Variants in PCDH7 observed in about 807,000 individuals in gnomAD.
The protein encoded by PCDH7 is protocadherin-7.
PCDH7 carries 17 observed loss-of-function variants against 58.9 expected under a neutral mutation model. That is an observed-to-expected ratio of 0.29 (90% CI 0.20 to 0.43). The LOEUF (loss-of-function observed/expected upper bound fraction) is 0.43. Ranked by LOEUF, PCDH7 falls within the 20% of genes least tolerant of loss-of-function variation. The pLI, the probability that PCDH7 is intolerant of heterozygous loss-of-function variation, is 1.00. For missense variants in PCDH7, 1,274 were observed against 1,441.0 expected (o/e 0.88, Z 1.88); for synonymous variants, 664 against 616.4 (o/e 1.08, Z -1.14).
intron 2 of PCDH7, among the ~76,000 whole-genome samples, chr4:30,942,901 T>G (rs1317028065): frequency 6.6e-6 from 1 of 151,826 alleles, no homozygotes; most frequent in Non-Finnish European, 1.5e-5. Flanking sequence ...GTAAGTGTTT[T>G]TTTTTTTTTT....
chr4:30,927,728 G>A (rs1017158618), intron 2 of PCDH7, among the ~76,000 whole-genome samples: 4 of 152,000 alleles, frequency 2.6e-5, no homozygotes, highest in South Asian at 2.1e-4. Context: ...GTGGAAGGCC[G>A]CAGGGTCCTC....
chr4:30,821,027 T>A (rs1156779613), intron 1 of PCDH7, among the ~76,000 whole-genome samples: 1 of 152,196 alleles, frequency 6.6e-6, no homozygotes, highest in Non-Finnish European at 1.5e-5. Flanking sequence ...ACAACACCTC[T>A]TGAGCACTTA....
At chr4:30,975,513 G>A (rs576371685) in intron 3 of PCDH7, among the ~76,000 whole-genome samples, 2 of 152,210 alleles carry the variant, frequency 1.3e-5, no homozygotes, top group South Asian at 2.1e-4. Flanking sequence ...ATTTTCAGCA[G>A]ACACATTCCA....
chr4:30,848,050 G>A (rs1732212154), intron 1 of PCDH7, among the ~76,000 whole-genome samples: 1 of 152,072 alleles, frequency 6.6e-6, no homozygotes, highest in Admixed American at 6.6e-5. Context: ...TGTATATGAA[G>A]ATGGATTGGA....
chr4:31,109,782 T>C (rs577659403), intron 3 of PCDH7, among the ~76,000 whole-genome samples: 2 of 152,344 alleles, frequency 1.3e-5, no homozygotes, highest in South Asian at 4.1e-4. Flanking sequence ...TACTCTGCCA[T>C]GTCCCACAGA....
intron 3 of PCDH7, among the ~76,000 whole-genome samples, chr4:30,974,903 T>A (rs1389179247): frequency 6.6e-6 from 1 of 152,202 alleles, no homozygotes; most frequent in Non-Finnish European, 1.5e-5. Flanking sequence ...TTTAGTTGGC[T>A]TGTATTTCTC....
chr4:30,955,759 G>T (rs537210634), intron 3 of PCDH7, among the ~76,000 whole-genome samples: 1 of 151,860 alleles, frequency 6.6e-6, no homozygotes, highest in Admixed American at 6.6e-5. Flanking sequence ...ATGTTGACCA[G>T]GCTGGTCTCA....
intron 1 of PCDH7, among the ~76,000 whole-genome samples, chr4:30,917,569 T>C (rs1742635931): frequency 6.6e-6 from 1 of 151,966 alleles, no homozygotes; most frequent in South Asian, 2.1e-4. Context: ...AAGCATTTTA[T>C]ACAAGAAAGA....
chr4:30,955,844 C>A (rs1348892154), intron 3 of PCDH7, among the ~76,000 whole-genome samples: 1 of 151,910 alleles, frequency 6.6e-6, no homozygotes, highest in South Asian at 2.1e-4. Context: ...CCACCGTGCT[C>A]GGCCAAGGCC....
exon 2 of PCDH7, chr4:30,732,305 G>C (rs1715624271): frequency 6.6e-6 from 1 of 152,104 alleles, no homozygotes; most frequent in Admixed American, 6.5e-5. Context: ...TGAAAATGCT[G>C]TTTTCCTCAT....
intron 3 of PCDH7, among the ~76,000 whole-genome samples, chr4:31,023,496 T>A (rs1754189482): frequency 2.0e-5 from 3 of 152,230 alleles, no homozygotes; most frequent in Admixed American, 2.0e-4. Flanking sequence ...TTTCTTTTTT[T>A]AAACCTAAAA....
chr4:31,101,089 T>TA (rs757125724), intron 3 of PCDH7, among the ~76,000 whole-genome samples: 23 of 152,326 alleles, frequency 1.5e-4, no homozygotes, highest in Non-Finnish European at 2.6e-4. Context: ...TGTTGATTAT[T>TA]ACCAGGTAGC....
At chr4:30,962,776 TAAAAAAAAAAAAA>T (rs57257786) in intron 3 of PCDH7, among the ~76,000 whole-genome samples, 12 of 70,608 alleles carry the variant, frequency 1.7e-4, no homozygotes, top group African/African-American at 3.7e-4. Flanking sequence ...GACCCAGTCT[TAAAAAAAAAAAAA>T]AAAAAAAAAA....
At position 30,755,401 on chromosome 4, in the gene PCDH7, A is replaced by G. The variant is rs147908567; in HGVS notation, c.70+30805A>G. ...CTTCTTTTTGGATCCTGAAAGTTGC[A>G]TAGATTTCAACTCCTTGTAGTCCTT... On this transcript the variant is annotated intron_variant, in intron 1 of 3. Coordinates refer to the PCDH7 transcript ENST00000509759. Among the ~76,000 whole-genome samples, 382 of 152,264 alleles carry G rather than the reference A, an allele frequency of 2.5e-3. 2 individuals carry two copies. Among genetic ancestry groups the G allele is most frequent in the African/African-American group, 8.7e-3 (362 of 41,552 alleles).
chr4:30,806,202 A>G (rs1026472759), intron 1 of PCDH7, among the ~76,000 whole-genome samples: 1 of 152,204 alleles, frequency 6.6e-6, no homozygotes, highest in Non-Finnish European at 1.5e-5. Context: ...TGGTACAAGC[A>G]TGTCCTTATT....
chr4:30,981,823 TTTG>T (rs1750597690), intron 3 of PCDH7, among the ~76,000 whole-genome samples: 1 of 152,194 alleles, frequency 6.6e-6, no homozygotes, highest in African/African-American at 2.4e-5. Context: ...GCTACTCTCA[TTTG>T]TTTTTGCCCT....
intron 1 of PCDH7, among the ~76,000 whole-genome samples, chr4:30,813,584 A>G (rs191852584): frequency 1.2e-3 from 184 of 152,336 alleles, no homozygotes; most frequent in African/African-American, 4.1e-3. Flanking sequence ...ACTCATGCTT[A>G]GGATGTCAGT....
chr4:30,754,738 G>A (rs1322665314), intron 1 of PCDH7, among the ~76,000 whole-genome samples: 1 of 141,944 alleles, frequency 7.0e-6, no homozygotes, highest in Non-Finnish European at 1.5e-5. Context: ...AATATTTTAA[G>A]TCAATCCTTT....
intron 2 of PCDH7, among the ~76,000 whole-genome samples, chr4:30,926,680 A>G (rs1045585013): frequency 6.6e-6 from 1 of 152,192 alleles, no homozygotes; most frequent in Non-Finnish European, 1.5e-5. Context: ...AAATATAGCA[A>G]GGACCTAAAA....
Sources: gnomAD v4.1 joint callset for allele counts (sites outside exome capture counted in the v4.1 genomes callset) on GRCh38, gnomAD v4.1.1 for gene constraint, MANE v1.5 for transcripts, NCBI Gene and HGNC (gene_info 2026-07-23, HGNC 2026-07-21) for gene names.